The following RGS6 variants were observed in gnomAD, a reference collection of about 807,000 sequenced individuals.
RGS6 encodes the protein regulator of G protein signaling 6, also known as regulator of G-protein signaling 6.
RGS6 carries 30 observed loss-of-function variants against 78.5 expected under a neutral mutation model. The ratio of observed to expected loss-of-function variants is 0.38; its 90% CI spans 0.29 to 0.52. The LOEUF is 0.52. Among genes scored for constraint, RGS6 ranks in the 20% least tolerant of loss-of-function variants. RGS6 has a pLI of 0.85. For missense variants in RGS6, 495 were observed against 609.7 expected (o/e 0.81, Z 1.98); for synonymous variants, 206 against 206.0 (o/e 1.00, Z 0.00).
At chr14:72,010,887 G>A (rs1181216682) in intron 2 of RGS6, among the ~76,000 whole-genome samples, 1 of 152,168 alleles carries the variant, frequency 6.6e-6, no homozygotes, top group East Asian at 1.9e-4. Flanking sequence ...AAGTAACTAT[G>A]CAATGACCAA....
intron 3 of RGS6, among the ~76,000 whole-genome samples, chr14:72,388,056 C>T (rs1298917373): frequency 6.6e-6 from 1 of 152,172 alleles, no homozygotes; most frequent in Non-Finnish European, 1.5e-5. Context: ...TAAATCCAGT[C>T]ACATTCTGAG....
At chr14:72,612,011 A>G in the RGS6 span, among the ~76,000 whole-genome samples, 10 of 152,192 alleles carry the variant, frequency 6.6e-5, no homozygotes, top group African/African-American at 2.4e-4. Flanking sequence ...TCCAGCCCCT[A>G]CAGGACCTAG....
chr14:72,228,762 G>A (rs574705981), intron 2 of RGS6, among the ~76,000 whole-genome samples: 1 of 152,116 alleles, frequency 6.6e-6, no homozygotes, highest in Admixed American at 6.5e-5. Flanking sequence ...ATTCTAGTTC[G>A]GGGCTGGGCA....
intron 2 of RGS6, among the ~76,000 whole-genome samples, chr14:71,991,230 T>A (rs1008411320): frequency 1.1e-4 from 17 of 152,216 alleles, no homozygotes; most frequent in Non-Finnish European, 2.1e-4. Context: ...CATTGGGTAT[T>A]GCCTCTAAAC....
chr14:72,459,999 T>G (rs907347064), intron 6 of RGS6, among the ~76,000 whole-genome samples: 3 of 152,148 alleles, frequency 2.0e-5, no homozygotes, highest in Admixed American at 6.5e-5. Context: ...GATGGTGACT[T>G]TTAATTGTTC....
the RGS6 span, among the ~76,000 whole-genome samples, chr14:72,605,261 C>A: frequency 6.6e-6 from 1 of 152,140 alleles, no homozygotes; most frequent in Non-Finnish European, 1.5e-5. Context: ...GGGAAGCAGG[C>A]CCAGCCCAGA....
chr14:72,080,595 G>A (rs1181684610), intron 2 of RGS6, among the ~76,000 whole-genome samples: 1 of 151,984 alleles, frequency 6.6e-6, no homozygotes, highest in Admixed American at 6.6e-5. Flanking sequence ...TTATTGCCCA[G>A]ACTAGTGTCT....
chr14:72,452,927 C>T (rs145985602), intron 3 of RGS6, among the ~76,000 whole-genome samples: 76 of 152,286 alleles, frequency 5.0e-4, no homozygotes, highest in African/African-American at 1.6e-3. Flanking sequence ...CAGAAGGGAA[C>T]TTATTCAGAG....
intron 3 of RGS6, among the ~76,000 whole-genome samples, chr14:72,387,581 G>A (rs2088614329): frequency 6.6e-6 from 1 of 151,714 alleles, no homozygotes; most frequent in Admixed American, 6.6e-5. Flanking sequence ...GGATATTTGA[G>A]ATACACAGAC....
At chr14:72,044,429 A>C (rs181981897) in intron 2 of RGS6, among the ~76,000 whole-genome samples, 1 of 152,312 alleles carries the variant, frequency 6.6e-6, no homozygotes, top group East Asian at 1.9e-4. Flanking sequence ...GAGGTCCCAG[A>C]TACAACAAAA....
At chr14:71,952,464 A>G (rs1363701105) in intron 1 of RGS6, among the ~76,000 whole-genome samples, 1 of 151,802 alleles carries the variant, frequency 6.6e-6, no homozygotes, top group African/African-American at 2.4e-5. Context: ...TTTTTATACC[A>G]TATCTACCTT....
At position 72,266,952 on chromosome 14, in the gene RGS6, A is replaced by C. The variant is rs532281089; in HGVS notation, c.85-85143A>C. ...CCACCACCTGTGAGCAGCCACCACC[A>C]CCTGTGTTTATACTACCCATGAGCT... is the stretch of plus-strand genomic sequence containing the variant. On this transcript the variant is annotated intron_variant, in intron 2 of 17. Coordinates refer to ENST00000553525, the MANE Select transcript of RGS6 (RefSeq NM_001204424.2). Among the ~76,000 whole-genome samples the C allele has an allele frequency of 9.4e-4, 143 of 152,138 alleles. 2 individuals are homozygous for C. Among genetic ancestry groups the C allele is most frequent in the Middle Eastern group, 6.8e-3 (2 of 294 alleles).
chr14:72,028,656 T>C (rs1052563619), intron 2 of RGS6, among the ~76,000 whole-genome samples: 1 of 152,226 alleles, frequency 6.6e-6, no homozygotes, highest in Non-Finnish European at 1.5e-5. Flanking sequence ...GAGACCTTAT[T>C]CTAAGGCTGC....
chr14:72,142,841 A>C (rs78613787), intron 2 of RGS6, among the ~76,000 whole-genome samples: 4 of 152,168 alleles, frequency 2.6e-5, no homozygotes, highest in Non-Finnish European at 1.5e-5. Flanking sequence ...TTAATGCTGC[A>C]GGAGAGGCCC....
chr14:72,011,796 A>G (rs1252147476), intron 2 of RGS6, among the ~76,000 whole-genome samples: 1 of 152,150 alleles, frequency 6.6e-6, no homozygotes, highest in Non-Finnish European at 1.5e-5. Context: ...TACTGGAGGC[A>G]ATCTTCCTGG....
chr14:71,871,514 C>T, the RGS6 span, among the ~76,000 whole-genome samples: 1 of 152,090 alleles, frequency 6.6e-6, no homozygotes, highest in Non-Finnish European at 1.5e-5. Flanking sequence ...TTTTTTCCCT[C>T]TTTTGAAAGC....
intron 2 of RGS6, among the ~76,000 whole-genome samples, chr14:72,124,685 A>G (rs2096144127): frequency 6.6e-6 from 1 of 152,220 alleles, no homozygotes; most frequent in African/African-American, 2.4e-5. Context: ...ATAGAAATCA[A>G]AGGTATTTCT....
the RGS6 span, among the ~76,000 whole-genome samples, chr14:72,606,971 A>G: frequency 1.3e-5 from 2 of 152,202 alleles, no homozygotes; most frequent in African/African-American, 4.8e-5. Context: ...TGCTTCTTGT[A>G]TAGCCTGCAG....
chr14:72,339,305 C>G (rs1362317890), intron 2 of RGS6, among the ~76,000 whole-genome samples: 1 of 152,146 alleles, frequency 6.6e-6, no homozygotes, highest in Non-Finnish European at 1.5e-5. Context: ...TTTAAGAAAG[C>G]AGAACAAGCC....
Sources: allele counts gnomAD v4.1 joint callset (sites outside exome capture counted in the v4.1 genomes callset), GRCh38; gene constraint gnomAD v4.1.1; transcripts MANE v1.5; gene names NCBI Gene and HGNC (gene_info 2026-07-23, HGNC 2026-07-21).